Variants in PDIA6 observed in about 807,000 individuals in gnomAD.
PDIA6 encodes the protein protein disulfide isomerase family A member 6, also known as protein disulfide-isomerase A6.
A neutral mutation model predicts 58.4 loss-of-function variants in PDIA6; 29 were observed. The observed-to-expected ratio is 0.50, with a 90% CI of 0.37 to 0.68. The LOEUF (loss-of-function observed/expected upper bound fraction) is 0.68. PDIA6 is among the 30% of genes least tolerant of loss of function. The pLI is 0.00. For missense variants in PDIA6, 480 were observed against 551.0 expected (o/e 0.87, Z 1.29); for synonymous variants, 192 against 202.6 (o/e 0.95, Z 0.44).
intron 1 of PDIA6, among the ~76,000 whole-genome samples, chr2:10,829,289 G>A (rs374817521): frequency 1.5e-4 from 23 of 152,204 alleles, no homozygotes; most frequent in East Asian, 9.7e-4. Context: ...GACACCTCCC[G>A]CCCCCAGGCA....
At chr2:10,800,528 G>A (rs1572672248) in intron 2 of PDIA6, among the ~76,000 whole-genome samples, 1 of 148,612 alleles carries the variant, frequency 6.7e-6, no homozygotes, top group African/African-American at 2.5e-5. Flanking sequence ...CATACTTTAG[G>A]TTTTTTTTTG....
intron 10 of PDIA6, among the ~76,000 whole-genome samples, chr2:10,787,963 G>A (rs575168565): frequency 6.6e-6 from 1 of 151,860 alleles, no homozygotes; most frequent in East Asian, 1.9e-4. Context: ...CTACGCAGGA[G>A]GCTAAGGCAG....
chr2:10,787,146 T>G lies in PDIA6; in HGVS notation c.1157+135A>C. 3.9e-6 allele frequency: 3 copies of G among 769,618 alleles called. No homozygotes were observed. The South Asian group carries it at 5.1e-5, about 13-fold the overall frequency. The allele number at this position is 769,618 out of a possible 1,614,324, so 47.7% of individuals were successfully genotyped here. ...ATTTAAAAACTCTAATGTATAAACA[T>G]TCAATTCTCTGGAATTAGTTTGCAT... On this transcript the variant is annotated intron_variant, in intron 11 of 12. Coordinates refer to ENST00000272227, the MANE Select transcript of PDIA6 (RefSeq NM_005742.4).
chr2:10,788,798 G>A (rs1558439222), intron 9 of PDIA6, 29 bp from the exon 10 acceptor site: 5 of 1,589,066 alleles, frequency 3.1e-6, no homozygotes, highest in Admixed American at 3.3e-5. Context: ...GTTTTTTAAA[G>A]GTAAAGATAA....
intron 4 of PDIA6, among the ~76,000 whole-genome samples, chr2:10,793,466 G>C (rs1365529025): frequency 6.6e-6 from 1 of 152,132 alleles, no homozygotes; most frequent in African/African-American, 2.4e-5. Context: ...CCAGGCTGGA[G>C]TACAGTGGCA....
Position 10,789,865 on chromosome 2 carries a change from T to C in PDIA6, c.724A>G (p.Ile242Val). Residue 242 changes from isoleucine (I) to valine (V), a missense_variant, in exon 8 of 13, where the codon ATA becomes GTA. Transcript: ENST00000272227. ...ACAGGAGACTCGCCTTTCTGAAATATCTTGATTGTAGGAAATCCTCTAATC... is the reference window on the plus strand; with the variant it reads ...ACAGGAGACTCGCCTTTCTGAAATACCTTGATTGTAGGAAATCCTCTAATC... ...YGIRGFPTIK[I>V]FQKGESPVDY... 6.2e-7 allele frequency: 1 copy of C among 1,613,700 alleles called. No individual in the cohort carries two copies. The highest frequency in any genetic ancestry group is 1.1e-5 in the South Asian group (1 of 91,060).
chr2:10,811,606 G>C (rs1256926505), intron 1 of PDIA6, among the ~76,000 whole-genome samples: 1 of 152,226 alleles, frequency 6.6e-6, no homozygotes, highest in African/African-American at 2.4e-5. Flanking sequence ...CTGGCACAGA[G>C]TGGTTAAGTA....
intron 1 of PDIA6, among the ~76,000 whole-genome samples, chr2:10,807,427 T>C (rs931185963): frequency 6.6e-6 from 1 of 152,206 alleles, no homozygotes; most frequent in Non-Finnish European, 1.5e-5. Context: ...TGGTCTCAAG[T>C]GATCCTCCTG....
At chr2:10,795,915 A>T (rs1250983660) in intron 4 of PDIA6, among the ~76,000 whole-genome samples, 1 of 152,230 alleles carries the variant, frequency 6.6e-6, no homozygotes, top group Non-Finnish European at 1.5e-5. Context: ...CATATGTTCC[A>T]TATAAATCTT....
At chr2:10,825,767 C>T (rs113622881) in intron 1 of PDIA6, among the ~76,000 whole-genome samples, 2,647 of 152,236 alleles carry the variant, frequency 0.017, 90 homozygotes, top group African/African-American at 0.061. Flanking sequence ...TCCATCAAAA[C>T]CACAATGAGA....
At chr2:10,812,857 G>C, upstream of PDIA6, 1 of 1,162,518 alleles carries the variant, frequency 8.6e-7, no homozygotes, top group East Asian at 4.1e-5. Context: ...CCAAGCCGTG[G>C]CTGCGGCTCA....
At chr2:10,801,680 G>A (rs1666516619) in intron 2 of PDIA6, among the ~76,000 whole-genome samples, 1 of 152,320 alleles carries the variant, frequency 6.6e-6, no homozygotes, top group South Asian at 2.1e-4. Context: ...ACCTCCATTT[G>A]CTACACTGAG....
intron 2 of PDIA6, among the ~76,000 whole-genome samples, chr2:10,818,017 C>T (rs539512153): frequency 6.6e-6 from 1 of 152,162 alleles, no homozygotes; most frequent in Non-Finnish European, 1.5e-5. Flanking sequence ...TCAGGAGACA[C>T]ACAGTGCTCC....
rs1044741391 is a variant in PDIA6 at position 10,819,377 on chromosome 2, G to A, written c.-47-23C>T. The A allele has an allele frequency of 2.9e-6, 4 of 1,362,460 alleles. No individual in the cohort carries two copies. In the Admixed American group the frequency reaches 8.0e-5, roughly 27 times the overall value. The allele number at this position is 1,362,460 out of a possible 1,614,324, so 84.4% of individuals were successfully genotyped here. ...AGCCTGAAAGTGAGAGAGAAGAGGA[G>A]ATGAGTGAGGTGGGGATGGGGAAAC... On this transcript the variant is annotated intron_variant, in intron 1 of 13. Coordinates refer to the PDIA6 transcript ENST00000381611.
chr2:10,800,433 G>T (rs1225177681), intron 2 of PDIA6, among the ~76,000 whole-genome samples: 1 of 152,118 alleles, frequency 6.6e-6, no homozygotes, highest in East Asian at 1.9e-4. Flanking sequence ...AAGCATTTCA[G>T]ATAAGAGATG....
chr2:10,792,875 G>A (rs554750421), intron 5 of PDIA6, among the ~76,000 whole-genome samples: 146 of 152,324 alleles, frequency 9.6e-4, no homozygotes, highest in African/African-American at 3.3e-3. Flanking sequence ...GTGGCAAGAG[G>A]CCCTGGGACT....
At chr2:10,831,561 A>C (rs1161967390) in intron 1 of PDIA6, among the ~76,000 whole-genome samples, 1 of 152,184 alleles carries the variant, frequency 6.6e-6, no homozygotes, top group Non-Finnish European at 1.5e-5. Flanking sequence ...AGGTGTCGTC[A>C]GCTGCTGATT....
chr2:10,797,631 A>C, intron 3 of PDIA6, 69 bp downstream of exon 3: 2 of 1,046,534 alleles, frequency 1.9e-6, no homozygotes, highest in South Asian at 2.6e-5. Flanking sequence ...ACACAGGTGA[A>C]TATGGACATC....
At chr2:10,784,358 T>A in intron 12 of PDIA6, 32 bp from the exon 13 acceptor site, 1 of 1,572,952 alleles carries the variant, frequency 6.4e-7, no homozygotes, top group Non-Finnish European at 8.7e-7. Context: ...CTGTTAGATC[T>A]GCAGAAGGGG....
Sources: allele counts gnomAD v4.1 joint callset (sites outside exome capture counted in the v4.1 genomes callset), GRCh38; gene constraint gnomAD v4.1.1; transcripts MANE v1.5; gene names NCBI Gene and HGNC (gene_info 2026-07-23, HGNC 2026-07-21).